The following CD163L1 variants were observed in gnomAD, a reference collection of about 807,000 sequenced individuals.
CD163L1 encodes CD163 molecule like 1.
A neutral mutation model predicts 165.4 loss-of-function variants in CD163L1; 124 were observed. The ratio of observed to expected loss-of-function variants is 0.75; its 90% CI spans 0.65 to 0.87. CD163L1 has a LOEUF of 0.87. Among genes scored for constraint, CD163L1 ranks in the 40% least tolerant of loss-of-function variants. The pLI is 0.00. For synonymous variants in CD163L1, 585 were observed against 662.2 expected, an observed-to-expected ratio of 0.88 and a Z score of 1.79; for missense variants, 1,525 against 1,799.9, an observed-to-expected ratio of 0.85 and a Z score of 2.76.
At chr12:7,428,230 T>C (rs1948575784) in intron 4 of CD163L1, among the ~76,000 whole-genome samples, 1 of 152,042 alleles carries the variant, frequency 6.6e-6, no homozygotes, top group African/African-American at 2.4e-5. Context: ...GGAGTAAAAT[T>C]AGGGAATATA....
chr12:7,332,434 G>A, the CD163L1 span, among the ~76,000 whole-genome samples: 3 of 150,766 alleles, frequency 2.0e-5, no homozygotes, highest in South Asian at 2.1e-4. Flanking sequence ...TACAGAGAAC[G>A]CCACAAAGAT....
intron 4 of CD163L1, among the ~76,000 whole-genome samples, chr12:7,425,109 C>A (rs749361262): frequency 2.5e-4 from 38 of 152,190 alleles, no homozygotes; most frequent in African/African-American, 9.1e-4. Context: ...GTAAACAAAC[C>A]AGCATGGTAC....
At chr12:7,344,355 A>G (rs922466384), downstream of CD163L1, among the ~76,000 whole-genome samples, 4 of 152,146 alleles carry the variant, frequency 2.6e-5, no homozygotes, top group Non-Finnish European at 1.5e-5. Context: ...CCCAAAGTGC[A>G]GGAATTACAG....
the CD163L1 span, among the ~76,000 whole-genome samples, chr12:7,335,538 C>A: frequency 6.6e-6 from 1 of 152,058 alleles, no homozygotes; most frequent in East Asian, 1.9e-4. Context: ...ACCATAAAAA[C>A]CATAAAAACC....
chr12:7,381,933 T>G (rs1947417714), intron 8 of CD163L1, among the ~76,000 whole-genome samples: 1 of 149,840 alleles, frequency 6.7e-6, no homozygotes, highest in Admixed American at 6.6e-5. Context: ...GACATCATAT[T>G]GACTTTTAGG....
chr12:7,340,109 A>G, the CD163L1 span, among the ~76,000 whole-genome samples: 1 of 152,178 alleles, frequency 6.6e-6, no homozygotes, highest in Non-Finnish European at 1.5e-5. Context: ...GAGAGGGAAC[A>G]CGCTAAATTC....
chr12:7,333,240 G>A, the CD163L1 span, among the ~76,000 whole-genome samples: 3 of 152,162 alleles, frequency 2.0e-5, no homozygotes, highest in African/African-American at 7.2e-5. Context: ...ATAGTTGGAA[G>A]TAAAGCACTC....
chr12:7,380,358 T>TATACGCGTATACATACATGTATGTGTGG, intron 8 of CD163L1, among the ~76,000 whole-genome samples: 1 of 147,518 alleles, frequency 6.8e-6, no homozygotes, highest in East Asian at 2.2e-4. Flanking sequence ...TGTATGTGTG[T>TATACGCGTATACATACATGTATGTGTGG]ATACGCGTAT....
chr12:7,401,444 A>C (rs565975602), intron 6 of CD163L1, among the ~76,000 whole-genome samples: 222 of 152,198 alleles, frequency 1.5e-3, no homozygotes, highest in Non-Finnish European at 2.7e-3. Context: ...TGTATCCAAG[A>C]CTTTAAAAAA....
chr12:7,434,462 T>A (rs1948687821), intron 2 of CD163L1, among the ~76,000 whole-genome samples: 1 of 152,144 alleles, frequency 6.6e-6, no homozygotes, highest in Non-Finnish European at 1.5e-5. Flanking sequence ...AATCTACTTG[T>A]AAGCCAAAAT....
intron 18 of CD163L1, chr12:7,357,739 T>C (rs911388784): frequency 1.2e-5 from 3 of 258,992 alleles, no homozygotes; most frequent in African/African-American, 2.2e-5. Context: ...TTCCAGTATC[T>C]TAAAAGCCTA....
chr12:7,356,621 TA>T (rs954170100), intron 19 of CD163L1, among the ~76,000 whole-genome samples: 1 of 152,260 alleles, frequency 6.6e-6, no homozygotes, highest in Admixed American at 6.5e-5. Context: ...TGCTAGGAAT[TA>T]AAAAGTGTTT....
At chr12:7,322,655 G>A in the CD163L1 span, 16 of 1,357,052 alleles carry the variant, frequency 1.2e-5, no homozygotes, top group Admixed American at 5.8e-5. Context: ...AGAGTTTCCC[G>A]GGATACCTCA....
At position 7,380,309 on chromosome 12, in the gene CD163L1, ATATACATACATATATGTATGTATACACG is replaced by A. The variant is rs1565784076; in HGVS notation, c.2051-1039_2051-1012del. ...TGTGTGTGTGTGTGTGTGTATACAC[ATATACATACATATATGTATGTATACACG>A]TATACATACATGTATGTGTGTATAC... On this transcript the variant is annotated intron_variant, in intron 8 of 19. Coordinates refer to ENST00000313599, the MANE Select transcript of CD163L1 (RefSeq NM_174941.6). 8.9e-3 allele frequency among the ~76,000 whole-genome samples: 727 copies of A among 81,462 alleles called. 10 individuals carry two copies. Among genetic ancestry groups the A allele is most frequent in the African/African-American group, 0.024 (684 of 29,064 alleles). 53.4% of individuals were successfully genotyped at this position (81,462 alleles called of 152,430 possible).
intron 4 of CD163L1, among the ~76,000 whole-genome samples, chr12:7,427,499 C>A (rs183794761): frequency 7.2e-5 from 11 of 152,130 alleles, no homozygotes; most frequent in African/African-American, 2.6e-4. Context: ...TTCTTACCAT[C>A]AAAAAATTAA....
intron 2 of CD163L1, 118 bp from the exon 3 acceptor site, chr12:7,433,812 T>C: frequency 9.6e-6 from 7 of 728,402 alleles, no homozygotes; most frequent in Non-Finnish European, 1.5e-5. Flanking sequence ...GAACTTATAG[T>C]AGAGAGAAAA....
intron 4 of CD163L1, among the ~76,000 whole-genome samples, chr12:7,411,053 T>C (rs1948130430): frequency 6.6e-6 from 1 of 151,562 alleles, no homozygotes; most frequent in African/African-American, 2.4e-5. Context: ...ACACAGAGAC[T>C]AAGGTGGATG....
chr12:7,325,465 G>C, the CD163L1 span, among the ~76,000 whole-genome samples: 1 of 152,296 alleles, frequency 6.6e-6, no homozygotes, highest in African/African-American at 2.4e-5. Context: ...TGGCCAACAT[G>C]GTGAAACCCT....
Position 7,375,762 on chromosome 12 carries a change from G to C in CD163L1, c.2624C>G (p.Pro875Arg). The C allele has an allele frequency of 6.2e-7, 1 of 1,614,200 alleles. No homozygotes were observed. The highest frequency in any genetic ancestry group is 8.5e-7 in the Non-Finnish European group (1 of 1,180,036). ...AGTGTCTTCCGGATGTTGAACAATG[G>C]GGCATAATGCAAGGTGAGTTTCACT... ...EGSETHLALC[P>R]IVQHPEDTCI... The change falls in exon 10 of 20, where the codon CCC becomes CGC. Residue 875 changes from proline (P) to arginine (R), a missense_variant. Coordinates refer to ENST00000313599, the MANE Select transcript of CD163L1 (RefSeq NM_174941.6).
Sources: allele counts gnomAD v4.1 joint callset (sites outside exome capture counted in the v4.1 genomes callset), GRCh38; gene constraint gnomAD v4.1.1; transcripts MANE v1.5; gene names NCBI Gene and HGNC (gene_info 2026-07-23, HGNC 2026-07-21).